The following PARD3B variants were observed in gnomAD, a reference collection of about 807,000 sequenced individuals.
PARD3B encodes partitioning defective 3 homolog B.
A neutral mutation model predicts 130.2 loss-of-function variants in PARD3B; 103 were observed. That is an observed-to-expected ratio of 0.79 (90% confidence interval 0.67 to 0.93). The LOEUF (loss-of-function observed/expected upper bound fraction) is 0.93, where lower values mean the gene tolerates loss of function less well. PARD3B is among the 40% of genes least tolerant of loss of function. PARD3B has a pLI of 0.00. For synonymous variants in PARD3B, 583 were observed against 553.2 expected, an observed-to-expected ratio of 1.05 and a Z score of -0.76; for missense variants, 1,609 against 1,499.2, an observed-to-expected ratio of 1.07 and a Z score of -1.21.
At chr2:205,038,059 G>A (rs1015334844) in intron 3 of PARD3B, among the ~76,000 whole-genome samples, 1 of 152,144 alleles carries the variant, frequency 6.6e-6, no homozygotes, top group African/African-American at 2.4e-5. Flanking sequence ...TGCAGTATTA[G>A]AGAATAATCA....
intron 21 of PARD3B, among the ~76,000 whole-genome samples, chr2:205,548,659 A>G (rs1341211341): frequency 6.6e-6 from 1 of 152,188 alleles, no homozygotes; most frequent in East Asian, 1.9e-4. Context: ...CTTAAAAACT[A>G]TAAATTCCCA....
chr2:205,062,751 A>G (rs374270309), intron 4 of PARD3B, among the ~76,000 whole-genome samples: 2 of 152,216 alleles, frequency 1.3e-5, no homozygotes, highest in Admixed American at 6.5e-5. Context: ...GGTAATGTAC[A>G]GTATATTTTT....
At chr2:205,338,333 C>T (rs62171505) in intron 18 of PARD3B, among the ~76,000 whole-genome samples, 5,198 of 152,014 alleles carry the variant, frequency 0.034, 106 homozygotes, top group Middle Eastern at 0.058. Flanking sequence ...ACTCATTTTT[C>T]GTTTGTTTGT....
chr2:205,579,137 A>G (rs778010850), intron 22 of PARD3B, among the ~76,000 whole-genome samples: 1 of 152,172 alleles, frequency 6.6e-6, no homozygotes, highest in Non-Finnish European at 1.5e-5. Flanking sequence ...CTAATTGTTT[A>G]TTTTTGTGGG....
chr2:205,517,806 G>C (rs955550858), intron 21 of PARD3B, among the ~76,000 whole-genome samples: 1 of 152,142 alleles, frequency 6.6e-6, no homozygotes, highest in African/African-American at 2.4e-5. Context: ...TAGTTTTAAA[G>C]AACTTTTTGA....
At chr2:205,204,856 G>T (rs2037196724) in intron 15 of PARD3B, among the ~76,000 whole-genome samples, 1 of 152,094 alleles carries the variant, frequency 6.6e-6, no homozygotes, top group African/African-American at 2.4e-5. Flanking sequence ...CTGTAGCCTT[G>T]TAGTATAGTT....
In PARD3B at chr2:205,555,493, C is replaced by T. The variant is rs145252110; in HGVS notation, c.3260+2090C>T. Reference sequence around the variant, plus strand: ...TTCGCTAATCCCCGAAATACTCACTCATGGCTGACTCTAAACAAGTATATT... The same window carrying T: ...TTCGCTAATCCCCGAAATACTCACTTATGGCTGACTCTAAACAAGTATATT... On this transcript the variant is annotated intron_variant, in intron 22 of 22. Coordinates refer to ENST00000406610, the MANE Select transcript of PARD3B (RefSeq NM_001302769.2). 1.9e-3 allele frequency among the ~76,000 whole-genome samples: 292 copies of T among 152,322 alleles called. 4 individuals carry two copies. The highest frequency in any genetic ancestry group is 6.5e-4 in the Non-Finnish European group (44 of 68,018).
chr2:205,365,380 C>CA (rs781407029), intron 18 of PARD3B, among the ~76,000 whole-genome samples: 3 of 45,626 alleles, frequency 6.6e-5, no homozygotes, highest in Non-Finnish European at 1.0e-4. Flanking sequence ...GACTCCGTCT[C>CA]AGAAAAAAAA....
intron 1 of PARD3B, among the ~76,000 whole-genome samples, chr2:204,563,258 TC>T (rs1395303881): frequency 3.5e-4 from 51 of 146,720 alleles, no homozygotes; most frequent in African/African-American, 1.2e-3. Flanking sequence ...TCTCTCTCTC[TC>T]TCTCTCTTTC....
intron 2 of PARD3B, among the ~76,000 whole-genome samples, chr2:204,738,617 G>C (rs2039860011): frequency 6.6e-6 from 1 of 152,136 alleles, no homozygotes. Flanking sequence ...CGTGGTATCA[G>C]CCAGGCTGGG....
At position 204,649,581 on chromosome 2, in the gene PARD3B, A is replaced by G. The variant is rs940541288; in HGVS notation, c.121-36600A>G. ...ACCACCCAGACACACAAAAAAATGGAACAGAATAGAGAGCCCAGAAATAGG... is the reference window on the plus strand; with the variant it reads ...ACCACCCAGACACACAAAAAAATGGGACAGAATAGAGAGCCCAGAAATAGG... On this transcript the variant is annotated intron_variant, in intron 1 of 22. Coordinates refer to ENST00000406610, the MANE Select transcript of PARD3B (RefSeq NM_001302769.2). Among the ~76,000 whole-genome samples, 4 of 152,206 alleles carry G rather than the reference A, an allele frequency of 2.6e-5. No homozygotes were observed. The East Asian group carries it at 7.7e-4, about 29-fold the overall frequency.
chr2:204,707,145 C>G (rs1227624982), intron 2 of PARD3B, among the ~76,000 whole-genome samples: 1 of 152,134 alleles, frequency 6.6e-6, no homozygotes, highest in African/African-American at 2.4e-5. Context: ...TCAGCACATT[C>G]CTGTGTGTTT....
At chr2:205,084,856 C>T (rs1252376561) in intron 4 of PARD3B, among the ~76,000 whole-genome samples, 1 of 151,850 alleles carries the variant, frequency 6.6e-6, no homozygotes, top group African/African-American at 2.4e-5. Context: ...ATGTTCCTTT[C>T]CTTATAAGAA....
Position 205,125,904 on chromosome 2 carries a change from C to T in PARD3B, c.1434+167C>T, listed in dbSNP as rs548791984. 6.6e-6 allele frequency among the ~76,000 whole-genome samples: 1 copy of T among 152,300 alleles called. No individual in the cohort carries two copies. The highest frequency in any genetic ancestry group is 1.9e-4 in the East Asian group (1 of 5,180). The stretch of plus-strand genomic sequence containing the variant: ...CATTTGGGGTATCGCATTTTTAAAA[C>T]ATTGATACAGCCAGTGGGTATATGT... On this transcript the variant is annotated intron_variant, in intron 10 of 22. Transcript: ENST00000406610. The surrounding 1 kb of genome is among the most constrained non-coding windows in gnomAD (Gnocchi z 4.0).
In PARD3B at chr2:205,125,813, A is replaced by G. The variant is rs1462039641; in HGVS notation, c.1434+76A>G. On this transcript the variant is annotated intron_variant, in intron 10 of 22. Transcript: ENST00000406610. The surrounding 1 kb of genome is among the most constrained non-coding windows in gnomAD (Gnocchi z 4.0). ...ACTCAATGAACTCATTATAGCTGAG[A>G]AACGAGTTCTAAATCACAGGCTTCA... 5 of 1,533,642 alleles carry G rather than the reference A, an allele frequency of 3.3e-6. No homozygotes were observed. Among genetic ancestry groups the G allele is most frequent in the African/African-American group, 1.4e-5 (1 of 72,670 alleles).
chr2:205,379,395 C>T (rs1054838222), intron 18 of PARD3B, among the ~76,000 whole-genome samples: 2 of 151,994 alleles, frequency 1.3e-5, no homozygotes, highest in African/African-American at 4.8e-5. Context: ...TCTACATGTG[C>T]ATGCTGAATC....
intron 15 of PARD3B, among the ~76,000 whole-genome samples, chr2:205,210,507 C>T (rs2037570104): frequency 6.6e-6 from 1 of 152,078 alleles, no homozygotes; most frequent in Admixed American, 6.6e-5. Context: ...GTTTCCAATT[C>T]TTCACTTCTA....
chr2:205,065,696 C>A (rs1393339093), intron 4 of PARD3B, among the ~76,000 whole-genome samples: 7 of 152,032 alleles, frequency 4.6e-5, no homozygotes, highest in Non-Finnish European at 1.5e-5. Context: ...GGATTAGTTC[C>A]CAAGAGAGTG....
intron 1 of PARD3B, among the ~76,000 whole-genome samples, chr2:204,611,542 G>C (rs1442203164): frequency 6.6e-6 from 1 of 152,080 alleles, no homozygotes; most frequent in African/African-American, 2.4e-5. Flanking sequence ...TAAAAAGTCT[G>C]TTTTAAAGTT....
Sources: allele counts gnomAD v4.1 joint callset (sites outside exome capture counted in the v4.1 genomes callset), GRCh38; gene constraint gnomAD v4.1.1; non-coding constraint Gnocchi (gnomAD v3.1); transcripts MANE v1.5; gene names NCBI Gene and HGNC (gene_info 2026-07-23, HGNC 2026-07-21).